The following SLC4A7 variants were observed in gnomAD, a reference collection of about 807,000 sequenced individuals.
The protein encoded by SLC4A7 is sodium bicarbonate cotransporter 3.
SLC4A7 carries 51 observed loss-of-function variants against 137.6 expected under a neutral mutation model. The ratio of observed to expected loss-of-function variants is 0.37; its 90% confidence interval spans 0.30 to 0.47. The LOEUF (loss-of-function observed/expected upper bound fraction) is 0.47. Ranked by LOEUF, SLC4A7 falls within the 20% of genes least tolerant of loss-of-function variation. The pLI, the probability that SLC4A7 is intolerant of heterozygous loss-of-function variation, is 1.00. For synonymous variants in SLC4A7, 542 were observed against 518.6 expected (o/e 1.05, Z -0.61); for missense variants, 1,247 against 1,525.4 (o/e 0.82, Z 3.04).
At chr3:27,455,592 G>GTTTC (rs2058352847) in intron 1 of SLC4A7, among the ~76,000 whole-genome samples, 1 of 104,960 alleles carries the variant, frequency 9.5e-6, no homozygotes, top group African/African-American at 3.4e-5. Flanking sequence ...TTTTTTTTTG[G>GTTTC]AGACAGAGTC....
chr3:27,419,146 A>G (rs922495338), intron 10 of SLC4A7, among the ~76,000 whole-genome samples: 2 of 152,174 alleles, frequency 1.3e-5, no homozygotes, highest in Admixed American at 1.3e-4. Flanking sequence ...TCTAGGAGGA[A>G]AAACAGTGAA....
chr3:27,464,917 A>G (rs571420602), intron 1 of SLC4A7, among the ~76,000 whole-genome samples: 3 of 152,136 alleles, frequency 2.0e-5, no homozygotes, highest in African/African-American at 7.2e-5. Flanking sequence ...GTTAGCCAGG[A>G]CTCCATTTCA....
chr3:27,480,701 ACT>A (rs2150759635), intron 1 of SLC4A7, among the ~76,000 whole-genome samples: 1 of 152,276 alleles, frequency 6.6e-6, no homozygotes, highest in East Asian at 1.9e-4. Flanking sequence ...CAGAATGCCT[ACT>A]TACAGACCCA....
At position 27,385,841 on chromosome 3, in the gene SLC4A7, C is replaced by T. The variant is rs781443228; in HGVS notation, c.3492+51G>A. The T allele has an allele frequency of 3.1e-6, 4 of 1,297,544 alleles. No homozygotes were observed. The Admixed American group carries it at 9.2e-5, about 30-fold the overall frequency. The allele number at this position is 1,297,544 out of a possible 1,614,324, so 80.4% of individuals were successfully genotyped here. A position where few individuals can be genotyped will look rare whatever the true frequency, so the allele number is the denominator to read the frequency against. ...TTATAATGGTGCCTGCAATATGGTG[C>T]AAAATATTAAATAAGGAAGTGGTGT... On this transcript the variant is annotated intron_variant, in intron 23 of 25. Transcript: ENST00000454389.
chr3:27,439,324 A>T (rs2057009275), intron 3 of SLC4A7, among the ~76,000 whole-genome samples: 1 of 152,190 alleles, frequency 6.6e-6, no homozygotes. Flanking sequence ...AGCATATAAA[A>T]AACATATCTG....
rs1559675022 is a variant in SLC4A7, at chr3:27,403,350, T to A, written c.2110A>T (p.Ser704Cys). The A allele has an allele frequency of 6.2e-7, 1 of 1,602,428 alleles. No individual in the cohort carries two copies. Among genetic ancestry groups the A allele is most frequent in the Non-Finnish European group, 8.5e-7 (1 of 1,173,606 alleles). Residue 704 changes from serine (S) to cysteine (C), a missense_variant, in exon 15 of 26, where the codon AGT becomes TGT. Physicochemically the swap from Ser to Cys is moderately radical, Grantham distance 112. Around this residue, in one of 6 missense-constraint regions of SLC4A7, gnomAD observed 499 missense variants for 664.2 expected, o/e 0.75. Coordinates refer to ENST00000454389, the MANE Select transcript of SLC4A7 (RefSeq NM_001321103.2). Reference protein sequence around the residue: ...YQLSYLSLRTSIGLWTSFLCI... With the variant: ...YQLSYLSLRTCIGLWTSFLCI... Reference sequence around the variant, plus strand: ...AAAAAAGAAGTCCACAGACCAATACTGGTTCTTAAAGACAGATAAGAAAGT... The same window carrying A: ...AAAAAAGAAGTCCACAGACCAATACAGGTTCTTAAAGACAGATAAGAAAGT...
rs1462540411 is a variant in SLC4A7 at position 27,484,126 on chromosome 3, TGGCC to T, written c.-4_-1del. 1 of 1,380,418 alleles carries T rather than the reference TGGCC, an allele frequency of 7.2e-7. No individual in the cohort carries two copies. The highest frequency in any genetic ancestry group is 9.4e-7 in the Non-Finnish European group (1 of 1,062,684). 85.5% of individuals were successfully genotyped at this position (1,380,418 alleles called of 1,614,324 possible). On this transcript the variant is annotated 5_prime_UTR_variant, in exon 1 of 26. Coordinates refer to ENST00000454389, the MANE Select transcript of SLC4A7 (RefSeq NM_001321103.2). ...TGCTCGCCGGCCCCATCAGCCTCCA[TGGCC>T]GGCCGGCCAGCCCGTGACGGCCGCT...
At chr3:27,456,734 G>C in intron 1 of SLC4A7, 1 of 1,600,776 alleles carries the variant, frequency 6.2e-7, no homozygotes, top group Non-Finnish European at 8.5e-7. Flanking sequence ...TAACTCCCTT[G>C]AAGATTCCAG....
chr3:27,402,466 G>A (rs1375582203), intron 15 of SLC4A7, among the ~76,000 whole-genome samples: 10 of 152,092 alleles, frequency 6.6e-5, no homozygotes, highest in Non-Finnish European at 1.2e-4. Flanking sequence ...TTGGGAGGCC[G>A]AGGCAGGTGG....
At chr3:27,482,474 C>A (rs916594263) in intron 1 of SLC4A7, among the ~76,000 whole-genome samples, 3 of 152,088 alleles carry the variant, frequency 2.0e-5, no homozygotes, top group Non-Finnish European at 4.4e-5. Flanking sequence ...AAAGGCTACA[C>A]AAAGAATTAC....
At chr3:27,446,216 C>T (rs2057622966) in intron 3 of SLC4A7, among the ~76,000 whole-genome samples, 1 of 151,316 alleles carries the variant, frequency 6.6e-6, no homozygotes, top group South Asian at 2.1e-4. Flanking sequence ...AAGGAAAACG[C>T]ATTGGAAAAC....
In SLC4A7 at chr3:27,376,638, A is replaced by C; in HGVS notation, c.*126T>G. 1.8e-6 allele frequency: 1 copy of C among 551,184 alleles called. No homozygotes were observed. Among genetic ancestry groups the C allele is most frequent in the Non-Finnish European group, 3.3e-6 (1 of 307,652 alleles). 34.1% of individuals were successfully genotyped at this position (551,184 alleles called of 1,614,324 possible). A position where few individuals can be genotyped will look rare whatever the true frequency, so the allele number is the denominator to read the frequency against. ...ACGGTGCTCATTACAAACTCCAGACACTACTTTTAAAAACCCGGTAGTCAC... is the reference window on the plus strand; with the variant it reads ...ACGGTGCTCATTACAAACTCCAGACCCTACTTTTAAAAACCCGGTAGTCAC... On this transcript the variant is annotated 3_prime_UTR_variant, in exon 26 of 26. Transcript: ENST00000454389.
chr3:27,402,532 T>G (rs2052874370), intron 15 of SLC4A7, among the ~76,000 whole-genome samples: 2 of 152,078 alleles, frequency 1.3e-5, no homozygotes, highest in African/African-American at 4.8e-5. Flanking sequence ...AAACTCTGTC[T>G]CCACTAAAAA....
Position 27,484,089 on chromosome 3 carries a change from A to G in SLC4A7, c.38T>C (p.Leu13Pro). The G allele has an allele frequency of 7.1e-7, 1 of 1,410,132 alleles. No individual in the cohort carries two copies. The highest frequency in any genetic ancestry group is 9.3e-7 in the Non-Finnish European group (1 of 1,078,220). The allele number at this position is 1,410,132 out of a possible 1,614,324, so 87.4% of individuals were successfully genotyped here. A position where few individuals can be genotyped will look rare whatever the true frequency, so the allele number is the denominator to read the frequency against. ...CACCCTGCTCGTTACCCGGGTGAGTAGCGGTCTCATCTGCTCGCCGGCCCC... is the reference window on the plus strand; with the variant it reads ...CACCCTGCTCGTTACCCGGGTGAGTGGCGGTCTCATCTGCTCGCCGGCCCC... ...ADGAGEQMRP[L>P]LTRVTSRGPD... Residue 13 changes from leucine to proline, a missense_variant, in exon 1 of 26, where the codon CTA becomes CCA. Around this residue, in one of 6 missense-constraint regions of SLC4A7, gnomAD observed 176 missense variants for 186.4 expected, o/e 0.94. Transcript: ENST00000454389.
chr3:27,397,184 C>T (rs921173903), intron 18 of SLC4A7, among the ~76,000 whole-genome samples: 8 of 152,114 alleles, frequency 5.3e-5, no homozygotes, highest in Non-Finnish European at 7.4e-5. Flanking sequence ...CCCGCCACCA[C>T]GCCTGGCTAA....
chr3:27,443,134 C>G lies in SLC4A7; in HGVS notation c.289+5517G>C, dbSNP rs79178063. Reference sequence around the variant, plus strand: ...GCAACCTCTGCCTCCCGCATTCAAGCAATTCTCCTGTCTCAGCCTCTGGGT... The same window carrying G: ...GCAACCTCTGCCTCCCGCATTCAAGGAATTCTCCTGTCTCAGCCTCTGGGT... On this transcript the variant is annotated intron_variant, in intron 3 of 25. Coordinates refer to ENST00000454389, the MANE Select transcript of SLC4A7 (RefSeq NM_001321103.2). 8.2e-5 allele frequency among the ~76,000 whole-genome samples: 12 copies of G among 146,152 alleles called. No individual in the cohort carries two copies. The East Asian group carries it at 2.3e-3, about 28-fold the overall frequency.
intron 3 of SLC4A7, among the ~76,000 whole-genome samples, chr3:27,442,945 T>C (rs747898166): frequency 3.3e-5 from 5 of 151,952 alleles, no homozygotes; most frequent in Non-Finnish European, 7.4e-5. Context: ...TGCTTGTAGA[T>C]TGTCTTGGGA....
chr3:27,475,902 C>T (rs114628004), intron 1 of SLC4A7, among the ~76,000 whole-genome samples: 93 of 152,238 alleles, frequency 6.1e-4, no homozygotes, highest in African/African-American at 2.2e-3. Context: ...GCTAGGGTGG[C>T]AGAGTTCAGG....
At chr3:27,477,835 G>A (rs1361921059) in intron 1 of SLC4A7, among the ~76,000 whole-genome samples, 7 of 152,020 alleles carry the variant, frequency 4.6e-5, no homozygotes, top group Non-Finnish European at 7.4e-5. Context: ...GACTGGTCTC[G>A]AACTCCTGAG....
Sources: gnomAD v4.1 joint callset for allele counts (sites outside exome capture counted in the v4.1 genomes callset) on GRCh38, gnomAD v4.1.1 for gene constraint, gnomAD v4.1.1 regional missense constraint, MANE v1.5 for transcripts, NCBI Gene and HGNC (gene_info 2026-07-23, HGNC 2026-07-21) for gene names.